The following PICALM variants were observed in gnomAD, a reference collection of about 807,000 sequenced individuals.
The protein encoded by PICALM is phosphatidylinositol-binding clathrin assembly protein.
PICALM carries 40 observed loss-of-function variants against 80.5 expected under a neutral mutation model. The observed-to-expected ratio is 0.50, with a 90% CI of 0.39 to 0.65. The LOEUF (loss-of-function observed/expected upper bound fraction) is 0.65, where lower values mean the gene tolerates loss of function less well. PICALM is among the 30% of genes least tolerant of loss of function. The probability of loss-of-function intolerance (pLI) is 0.00; values close to 1 mark genes in which losing one functional copy is unlikely to be tolerated. For synonymous variants in PICALM, 288 were observed against 260.3 expected, an observed-to-expected ratio of 1.11 and a Z score of -1.02; for missense variants, 676 against 778.9, an observed-to-expected ratio of 0.87 and a Z score of 1.57.
Position 85,973,655 on chromosome 11 carries a change from G to C in PICALM, c.1944+1053C>G, listed in dbSNP as rs148515841. Reference sequence around the variant, plus strand: ...GGAACATATCCCCCAAAGAGAAGAGGGGACTACCGTGCACAGAGACTAGAT... The same window carrying C: ...GGAACATATCCCCCAAAGAGAAGAGCGGACTACCGTGCACAGAGACTAGAT... On this transcript the variant is annotated intron_variant, in intron 19 of 19. Transcript: ENST00000393346. Among the ~76,000 whole-genome samples the C allele has an allele frequency of 3.1e-3, 478 of 152,144 alleles. 3 individuals are homozygous for C. The highest frequency in any genetic ancestry group is 0.011 in the African/African-American group (461 of 41,490).
intron 4 of PICALM, among the ~76,000 whole-genome samples, chr11:86,020,780 T>C (rs2095550680): frequency 6.6e-6 from 1 of 152,142 alleles, no homozygotes; most frequent in African/African-American, 2.4e-5. Context: ...ACAAGATTCT[T>C]AGAATAAAAA....
chr11:85,977,973 G>T, intron 17 of PICALM: 1 of 896,164 alleles, frequency 1.1e-6, no homozygotes, highest in South Asian at 1.5e-5. Flanking sequence ...ATCTGAATGT[G>T]AAAACAAGTA....
intron 19 of PICALM, among the ~76,000 whole-genome samples, chr11:85,967,859 G>A (rs555285296): frequency 6.6e-6 from 1 of 152,278 alleles, no homozygotes; most frequent in East Asian, 1.9e-4. Flanking sequence ...CATTTAGAAG[G>A]ATAAAAAGCA....
chr11:85,985,946 C>T (rs977569086), intron 13 of PICALM, among the ~76,000 whole-genome samples: 3 of 152,094 alleles, frequency 2.0e-5, no homozygotes, highest in African/African-American at 7.2e-5. Context: ...TTTATAGTCA[C>T]ACAGAAATTA....
chr11:86,068,593 G>C (rs912323568), intron 1 of PICALM, 58 bp downstream of exon 1: 12 of 1,530,474 alleles, frequency 7.8e-6, no homozygotes, highest in Middle Eastern at 2.1e-4. Context: ...AGAGAGAGAA[G>C]GACGCGCGCG....
chr11:85,997,771 T>C (rs1211097503), intron 11 of PICALM, among the ~76,000 whole-genome samples: 1 of 151,972 alleles, frequency 6.6e-6, no homozygotes, highest in East Asian at 1.9e-4. Context: ...GTGCTCAGCC[T>C]CTTTTTTTGT....
chr11:86,062,120 C>T (rs898376407), intron 1 of PICALM, among the ~76,000 whole-genome samples: 5 of 152,042 alleles, frequency 3.3e-5, no homozygotes, highest in Admixed American at 3.3e-4. Context: ...GAAGGGATGG[C>T]GAGGGGGAGC....
chr11:85,968,151 C>A (rs1259167730), intron 19 of PICALM, among the ~76,000 whole-genome samples: 1 of 152,138 alleles, frequency 6.6e-6, no homozygotes, highest in Non-Finnish European at 1.5e-5. Flanking sequence ...CTGATGTATG[C>A]TTGCTCTACA....
chr11:86,023,540 G>T, intron 3 of PICALM: 1 of 984,550 alleles, frequency 1.0e-6, no homozygotes, highest in Non-Finnish European at 1.2e-6. Context: ...TCAACCTCTC[G>T]TCTACATAAA....
At chr11:86,035,907 C>CACTGCACT (rs2095833830) in intron 1 of PICALM, among the ~76,000 whole-genome samples, 1 of 143,398 alleles carries the variant, frequency 7.0e-6, no homozygotes, top group Admixed American at 7.1e-5. Context: ...GAGATCATGC[C>CACTGCACT]ACTGCACTCC....
chr11:86,034,176 A>C (rs1485610969), intron 1 of PICALM, among the ~76,000 whole-genome samples: 1 of 152,230 alleles, frequency 6.6e-6, no homozygotes, highest in African/African-American at 2.4e-5. Flanking sequence ...TTATGAATCC[A>C]GAATAGACCA....
chr11:85,967,229 G>A (rs1413669549), intron 19 of PICALM, among the ~76,000 whole-genome samples: 2 of 152,210 alleles, frequency 1.3e-5, no homozygotes, highest in African/African-American at 4.8e-5. Context: ...TCTAGTAAAT[G>A]TGAGACAATA....
intron 16 of PICALM, among the ~76,000 whole-genome samples, chr11:85,981,486 T>C (rs183569006): frequency 5.5e-4 from 83 of 152,030 alleles, no homozygotes; most frequent in South Asian, 8.3e-4. Context: ...TGGGTGCCTG[T>C]AGTCCAGCTA....
chr11:86,041,147 G>A (rs1409383458), intron 1 of PICALM, among the ~76,000 whole-genome samples: 1 of 152,056 alleles, frequency 6.6e-6, no homozygotes, highest in Non-Finnish European at 1.5e-5. Flanking sequence ...CTCACTAAAG[G>A]CAGTCCATGA....
chr11:86,043,556 T>C (rs2096012808), intron 1 of PICALM, among the ~76,000 whole-genome samples: 1 of 152,246 alleles, frequency 6.6e-6, no homozygotes, highest in Non-Finnish European at 1.5e-5. Context: ...TTTTAATTAA[T>C]AACACTCATT....
chr11:85,994,869 A>T (rs1592687151), intron 12 of PICALM, among the ~76,000 whole-genome samples: 1 of 152,092 alleles, frequency 6.6e-6, no homozygotes, highest in African/African-American at 2.4e-5. Context: ...ACACCTGGCT[A>T]ATTTTTGTAT....
chr11:85,990,613 T>C (rs2094738386), intron 12 of PICALM, among the ~76,000 whole-genome samples: 1 of 152,202 alleles, frequency 6.6e-6, no homozygotes, highest in African/African-American at 2.4e-5. Flanking sequence ...AAAAATCCTT[T>C]TATTTGTTAA....
At chr11:86,033,264 TGCATG>T (rs772534547) in intron 1 of PICALM, among the ~76,000 whole-genome samples, 5 of 112,190 alleles carry the variant, frequency 4.5e-5, no homozygotes, top group East Asian at 5.7e-4. Context: ...TAGTGCATGG[TGCATG>T]GTGTGTGTGT....
intron 1 of PICALM, among the ~76,000 whole-genome samples, chr11:86,053,592 C>T (rs1221376485): frequency 6.6e-6 from 1 of 151,954 alleles, no homozygotes; most frequent in African/African-American, 2.4e-5. Context: ...TTTTTTGAGA[C>T]AGGGTCTCAC....
Sources: allele counts gnomAD v4.1 joint callset (sites outside exome capture counted in the v4.1 genomes callset), GRCh38; gene constraint gnomAD v4.1.1; transcripts MANE v1.5; gene names NCBI Gene and HGNC (gene_info 2026-07-23, HGNC 2026-07-21).